CFAP99: variants seen among roughly 807,000 people sequenced by gnomAD.
CFAP99 encodes cilia- and flagella-associated protein 99.
A neutral mutation model predicts 82.7 loss-of-function variants in CFAP99; 84 were observed. That is an observed-to-expected ratio of 1.02 (90% confidence interval 0.85 to 1.22). The LOEUF is 1.22. Among genes scored for constraint, CFAP99 ranks in the 50% most tolerant of loss-of-function variants. The probability of loss-of-function intolerance (pLI) is 0.00; values close to 1 mark genes in which losing one functional copy is unlikely to be tolerated. For synonymous variants in CFAP99, 456 were observed against 429.5 expected, an observed-to-expected ratio of 1.06 and a Z score of -0.76; for missense variants, 1,059 against 983.5, an observed-to-expected ratio of 1.08 and a Z score of -1.03.
At chr4:2,449,700 G>A (rs890021367) in exon 7 of CFAP99, 2 of 1,535,978 alleles carry the variant, frequency 1.3e-6, no homozygotes, top group African/African-American at 2.7e-5. Flanking sequence ...GCCACCCAAG[G>A]AGCAGCAGCA....
chr4:2,438,014 G>C (rs1365104792), intron 3 of CFAP99, 56 bp from the exon 4 acceptor site: 8 of 1,062,954 alleles, frequency 7.5e-6, no homozygotes, highest in Admixed American at 2.2e-5. Context: ...CGGTCCCGCC[G>C]TGTGCCTGGT....
chr4:2,420,986 T>C (rs777472547), intron 1 of CFAP99, among the ~76,000 whole-genome samples: 1 of 152,158 alleles, frequency 6.6e-6, no homozygotes, highest in South Asian at 2.1e-4. Context: ...CCAGGGAGGC[T>C]GGGAAATGCC....
At chr4:2,429,826 T>C (rs893937736) in intron 2 of CFAP99, among the ~76,000 whole-genome samples, 19 of 152,208 alleles carry the variant, frequency 1.2e-4, no homozygotes, top group Middle Eastern at 3.4e-3. Flanking sequence ...CTCCTGACCT[T>C]GTGATCCGCC....
At chr4:2,444,985 C>T (rs1018162870) in intron 5 of CFAP99, 146 bp from the exon 6 acceptor site, 5 of 463,470 alleles carry the variant, frequency 1.1e-5, no homozygotes, top group East Asian at 3.5e-5. Flanking sequence ...GAAGCCACTT[C>T]GTGAAGTGAG....
At chr4:2,429,446 G>C (rs1485381900) in intron 2 of CFAP99, among the ~76,000 whole-genome samples, 1 of 152,184 alleles carries the variant, frequency 6.6e-6, no homozygotes, top group Non-Finnish European at 1.5e-5. Flanking sequence ...GGGGAGCCTG[G>C]CACACCGATC....
intron 1 of CFAP99, among the ~76,000 whole-genome samples, chr4:2,424,927 A>G (rs1228011349): frequency 6.6e-6 from 1 of 151,902 alleles, no homozygotes; most frequent in African/African-American, 2.4e-5. Context: ...TTTTCTTGTT[A>G]TTTCTCTCTC....
rs745337372 is a variant in CFAP99 at position 2,443,199 on chromosome 4, G to A, written c.421G>A (p.Glu141Lys). 7.3e-5 allele frequency: 112 copies of A among 1,535,672 alleles called. No individual in the cohort carries two copies. The highest frequency in any genetic ancestry group is 3.5e-4 in the Admixed American group (18 of 50,968). The change falls in exon 5 of 15, where the codon GAG (glutamate) becomes AAG (lysine). Residue 141 changes from glutamate to lysine, a missense_variant. Glu to Lys is a moderately conservative substitution (Grantham distance 56). Transcript: ENST00000635017. ...CAAGGATGAGTGGAGCCTCATCTAC[G>A]AGCCAGCCCACGTGAAGGAGAACTG...
chr4:2,445,397 T>C (rs1734141941), intron 6 of CFAP99, 89 bp downstream of exon 6: 1 of 1,140,158 alleles, frequency 8.8e-7, no homozygotes, highest in South Asian at 3.8e-5. Flanking sequence ...TGTGGGGGAC[T>C]GGGCTCCCCC....
At chr4:2,420,951 T>G (rs913866182) in intron 1 of CFAP99, among the ~76,000 whole-genome samples, 1 of 152,200 alleles carries the variant, frequency 6.6e-6, no homozygotes, top group Non-Finnish European at 1.5e-5. Flanking sequence ...TGGGAGAACT[T>G]AGCCACACAA....
rs569331716 is a variant in CFAP99 at position 2,447,337 on chromosome 4, AGTGGATGG to A, written c.642+2046_642+2053del. 1.4e-3 allele frequency among the ~76,000 whole-genome samples: 211 copies of A among 145,818 alleles called. 1 individual carries two copies. Among genetic ancestry groups the A allele is most frequent in the African/African-American group, 4.6e-3 (181 of 39,276 alleles). On this transcript the variant is annotated intron_variant, in intron 6 of 14. Coordinates refer to ENST00000635017, the Ensembl canonical transcript of CFAP99. ...GGATGGATACATGCATGGAAGGATA[AGTGGATGG>A]GTGGATGGGTGGATGGATGGATGAT...
Position 2,449,381 on chromosome 4 carries a change from G to A in CFAP99, c.643-289G>A, listed in dbSNP as rs190285471. On this transcript the variant is annotated intron_variant, in intron 6 of 14. Coordinates refer to ENST00000635017, the Ensembl canonical transcript of CFAP99. The stretch of plus-strand genomic sequence containing the variant: ...TACCCACCCTGGCCATCCCATGCTG[G>A]CCGATGGTACGCCCTCAGTACTGCC... Among the ~76,000 whole-genome samples, 368 of 152,108 alleles carry A rather than the reference G, an allele frequency of 2.4e-3. 3 individuals are homozygous for A. The highest frequency in any genetic ancestry group is 8.7e-3 in the African/African-American group (360 of 41,472).
At position 2,462,569 on chromosome 4, in the gene CFAP99, C is replaced by T. The variant is rs1734649683; in HGVS notation, c.1788C>T (p.His596=). 2 of 1,437,648 alleles carry T rather than the reference C, an allele frequency of 1.4e-6. No homozygotes were observed. Among genetic ancestry groups the T allele is most frequent in the Non-Finnish European group, 9.1e-7 (1 of 1,099,286 alleles). 89.1% of individuals were successfully genotyped at this position (1,437,648 alleles called of 1,614,324 possible). Residue 596 remains histidine, a synonymous_variant, in exon 15 of 15, where the codon CAC becomes CAT. Transcript: ENST00000635017. This position sits in a 1 kb window ranked among gnomAD's most constrained non-coding sequence, Gnocchi z 4.1. Reference sequence around the variant, plus strand: ...GCAGCAGGCAGGCGGCCTTGCTGCACGTGTCGGCGCCGCGGACCGCGCGCC... The same window carrying T: ...GCAGCAGGCAGGCGGCCTTGCTGCATGTGTCGGCGCCGCGGACCGCGCGCC...
intron 5 of CFAP99, among the ~76,000 whole-genome samples, chr4:2,444,239 C>CA (rs766666924): frequency 6.6e-6 from 1 of 152,208 alleles, no homozygotes; most frequent in Admixed American, 6.5e-5. Flanking sequence ...CAGGGGCCCC[C>CA]ATGGCCTGGG....
chr4:2,462,901 C>G lies in CFAP99; in HGVS notation c.2120C>G (p.Pro707Arg). 7.6e-7 allele frequency: 1 copy of G among 1,318,330 alleles called. No individual in the cohort carries two copies. The highest frequency in any genetic ancestry group is 3.2e-5 in the East Asian group (1 of 31,284). The allele number at this position is 1,318,330 out of a possible 1,614,324, so 81.7% of individuals were successfully genotyped here. A position where few individuals can be genotyped will look rare whatever the true frequency, so the allele number is the denominator to read the frequency against. Residue 707 changes from proline (P) to arginine (R), a missense_variant, in exon 15 of 15, where the codon CCC (proline) becomes CGC (arginine). Coordinates refer to ENST00000635017, the Ensembl canonical transcript of CFAP99. This position sits in a 1 kb window ranked among gnomAD's most constrained non-coding sequence, Gnocchi z 4.1. ...CAGCAGGGAGGCTCAGGACCCGGGC[C>G]CGCGCGCCGCCTGGAGGCCGCCTGA...
At chr4:2,460,657 G>GA (rs1734601336) in intron 14 of CFAP99, among the ~76,000 whole-genome samples, 2 of 152,208 alleles carry the variant, frequency 1.3e-5, no homozygotes, top group South Asian at 2.1e-4. Flanking sequence ...GACACCAATA[G>GA]AAAATGGAAC....
chr4:2,454,593 T>TGTTTTTTTTTTTTTTTTTTTTTTTG (rs1734382958), intron 11 of CFAP99, among the ~76,000 whole-genome samples: 1 of 110,626 alleles, frequency 9.0e-6, no homozygotes, highest in Non-Finnish European at 1.9e-5. Context: ...TTTTTTTTTT[T>TGTTTTTTTTTTTTTTTTTTTTTTTG]GTTTTTTTTT....
chr4:2,462,385 TG>T lies in CFAP99; in HGVS notation c.1662-55del. ...CGTCGCTTGGACACGGGTGGCATCC[TG>T]GGTCTGGCCTGGGCCTCCCGCCGGC... On this transcript the variant is annotated intron_variant, in intron 14 of 14. Coordinates refer to ENST00000635017, the Ensembl canonical transcript of CFAP99. The surrounding 1 kb of genome is among the most constrained non-coding windows in gnomAD (Gnocchi z 4.1). The T allele has an allele frequency of 7.3e-7, 1 of 1,370,268 alleles. No individual in the cohort carries two copies. Among genetic ancestry groups the T allele is most frequent in the Admixed American group, 3.9e-5 (1 of 25,594 alleles). 84.9% of individuals were successfully genotyped at this position (1,370,268 alleles called of 1,614,324 possible).
At chr4:2,459,544 AG>A (rs1207999950) in intron 13 of CFAP99, among the ~76,000 whole-genome samples, 1 of 152,180 alleles carries the variant, frequency 6.6e-6, no homozygotes, top group East Asian at 1.9e-4. Context: ...CTGCCTGTTG[AG>A]GGAGGGCCAG....
chr4:2,421,254 C>T (rs1733577996), intron 1 of CFAP99, among the ~76,000 whole-genome samples: 1 of 151,168 alleles, frequency 6.6e-6, no homozygotes, highest in South Asian at 2.1e-4. Context: ...GAGTGTTGAG[C>T]TGTTTTGTGT....
Sources: gnomAD v4.1 joint callset for allele counts (sites outside exome capture counted in the v4.1 genomes callset) on GRCh38, gnomAD v4.1.1 for gene constraint, Gnocchi (gnomAD v3.1) non-coding constraint, MANE v1.5 for transcripts, NCBI Gene and HGNC (gene_info 2026-07-23, HGNC 2026-07-21) for gene names.